The following PLCH1 variants were observed in gnomAD, a reference collection of about 807,000 sequenced individuals.
The protein encoded by PLCH1 is phospholipase C eta 1.
PLCH1 carries 60 observed loss-of-function variants against 126.7 expected under a neutral mutation model. That is an observed-to-expected ratio of 0.47 (90% CI 0.38 to 0.59). The LOEUF (loss-of-function observed/expected upper bound fraction) is 0.59. Among genes scored for constraint, PLCH1 ranks in the 20% least tolerant of loss-of-function variants. The pLI is 0.00. For missense variants in PLCH1, 1,723 were observed against 2,040.0 expected (o/e 0.84, Z 2.99); for synonymous variants, 719 against 734.9 (o/e 0.98, Z 0.35).
chr3:155,599,355 T>C (rs1191295757), intron 2 of PLCH1, among the ~76,000 whole-genome samples: 1 of 152,062 alleles, frequency 6.6e-6, no homozygotes, highest in African/African-American at 2.4e-5. Context: ...ACACCATCAA[T>C]GAAGACTTGG....
chr3:155,647,551 G>C (rs1045370704), intron 2 of PLCH1, among the ~76,000 whole-genome samples: 1 of 151,858 alleles, frequency 6.6e-6, no homozygotes, highest in Non-Finnish European at 1.5e-5. Context: ...GATCCACAAA[G>C]AGCATTAGGA....
At chr3:155,701,471 A>C (rs1331145214) in intron 2 of PLCH1, among the ~76,000 whole-genome samples, 1 of 152,204 alleles carries the variant, frequency 6.6e-6, no homozygotes, top group Non-Finnish European at 1.5e-5. Flanking sequence ...TAATTTATAC[A>C]TCCAAGTCTG....
intron 10 of PLCH1, among the ~76,000 whole-genome samples, chr3:155,534,912 T>C (rs1340036929): frequency 6.6e-6 from 1 of 152,216 alleles, no homozygotes; most frequent in Non-Finnish European, 1.5e-5. Flanking sequence ...TTCATGAGGC[T>C]TCCTAGACAT....
chr3:155,660,251 T>C (rs1006342242), intron 2 of PLCH1, among the ~76,000 whole-genome samples: 2 of 152,190 alleles, frequency 1.3e-5, no homozygotes, highest in African/African-American at 4.8e-5. Context: ...ATAACATCTT[T>C]TGGGAAACTA....
chr3:155,628,553 T>C lies in PLCH1; in HGVS notation c.80-32175A>G, dbSNP rs1213021345. On this transcript the variant is annotated intron_variant, in intron 2 of 22. Coordinates refer to ENST00000460012, the MANE Select transcript of PLCH1 (RefSeq NM_014996.4). ...ATGCTTTGGATCTTCACCTCTCTTTTTTTTTTTTTTTTTGAGTTGGGGGAG... is the reference window on the plus strand; with the variant it reads ...ATGCTTTGGATCTTCACCTCTCTTTCTTTTTTTTTTTTTGAGTTGGGGGAG... 2.3e-3 allele frequency among the ~76,000 whole-genome samples: 104 copies of C among 44,940 alleles called. No individual in the cohort carries two copies. In the African/African-American group the frequency reaches 0.026, roughly 11 times the overall value. The allele number at this position is 44,940 out of a possible 152,430, so 29.5% of individuals were successfully genotyped here. A position where few individuals can be genotyped will look rare whatever the true frequency, so the allele number is the denominator to read the frequency against.
intron 2 of PLCH1, among the ~76,000 whole-genome samples, chr3:155,616,678 G>A (rs188719960): frequency 3.8e-4 from 58 of 152,224 alleles, no homozygotes; most frequent in Admixed American, 1.6e-3. Context: ...TACAGGAAAA[G>A]GGGACAGAGA....
At chr3:155,544,761 A>G (rs1255770766) in intron 10 of PLCH1, among the ~76,000 whole-genome samples, 2 of 151,578 alleles carry the variant, frequency 1.3e-5, no homozygotes, top group Admixed American at 1.3e-4. Context: ...CTACATGGAA[A>G]CTGAACAACC....
intron 1 of PLCH1, among the ~76,000 whole-genome samples, chr3:155,725,783 C>T (rs1330979300): frequency 6.6e-6 from 1 of 152,156 alleles, no homozygotes; most frequent in Non-Finnish European, 1.5e-5. Context: ...ATTCTTCATC[C>T]ACTCTAACAA....
At chr3:155,624,182 CT>C (rs1485112415) in intron 2 of PLCH1, among the ~76,000 whole-genome samples, 1 of 152,144 alleles carries the variant, frequency 6.6e-6, no homozygotes, top group Non-Finnish European at 1.5e-5. Flanking sequence ...CAGAAAAGGC[CT>C]TTGACAAAAT....
chr3:155,523,741 A>G (rs1721513511), intron 11 of PLCH1, among the ~76,000 whole-genome samples, 156 bp downstream of exon 11: 1 of 152,218 alleles, frequency 6.6e-6, no homozygotes, highest in African/African-American at 2.4e-5. Flanking sequence ...CAAACATTTG[A>G]ATGTCTATGT....
In PLCH1 at chr3:155,481,246, GC is replaced by G. The variant is rs780767268; in HGVS notation, c.4779del (p.Lys1593AsnfsTer26). 1.2e-6 allele frequency: 2 copies of G among 1,614,088 alleles called. No homozygotes were observed. Among genetic ancestry groups the G allele is most frequent in the African/African-American group, 2.7e-5 (2 of 74,936 alleles). On this transcript the variant is annotated frameshift_variant, in exon 23 of 23. Transcript: ENST00000460012. LOFTEE classifies it low-confidence loss of function (END_TRUNC). The surrounding 1 kb of genome is among the most constrained non-coding windows in gnomAD (Gnocchi z 4.2). ...CCATTGCTGGGGTTTGGAACTTTCT[GC>G]TTGTTGGCTTCCTGTTTCTCCTTGG... The part of the protein sequence containing the change: ...SRAKEKQEAN[K>X]QKVPNPSNGA...
At chr3:155,578,052 G>A (rs1332392692) in intron 6 of PLCH1, among the ~76,000 whole-genome samples, 3 of 152,170 alleles carry the variant, frequency 2.0e-5, no homozygotes, top group Non-Finnish European at 4.4e-5. Flanking sequence ...AAAGCTTGCA[G>A]TGTGTGGAAT....
intron 21 of PLCH1, among the ~76,000 whole-genome samples, chr3:155,467,817 C>G (rs1161931870): frequency 1.3e-5 from 2 of 152,162 alleles, no homozygotes; most frequent in African/African-American, 2.4e-5. Context: ...GATGGACTTC[C>G]TCAATACCAG....
At chr3:155,633,156 C>CT (rs1738249588) in intron 2 of PLCH1, among the ~76,000 whole-genome samples, 4 of 152,138 alleles carry the variant, frequency 2.6e-5, no homozygotes, top group Non-Finnish European at 5.9e-5. Flanking sequence ...AGAAAGGGGG[C>CT]TACAGCTCCC....
intron 2 of PLCH1, among the ~76,000 whole-genome samples, chr3:155,698,075 T>G (rs1156699967): frequency 1.3e-5 from 2 of 152,088 alleles, no homozygotes; most frequent in Non-Finnish European, 2.9e-5. Flanking sequence ...GATTAAAATT[T>G]TAAAATGGAC....
intron 4 of PLCH1, 76 bp downstream of exon 4, chr3:155,593,865 A>T: frequency 7.0e-7 from 1 of 1,437,542 alleles, no homozygotes; most frequent in Non-Finnish European, 9.5e-7. Context: ...ACATAGTCTA[A>T]TCCTTACTTC....
intron 4 of PLCH1, among the ~76,000 whole-genome samples, chr3:155,590,650 T>A (rs1732035500): frequency 1.3e-5 from 2 of 151,392 alleles, no homozygotes. Flanking sequence ...CTCAGGAGCC[T>A]GAGGCAGGAG....
chr3:155,590,893 C>T (rs1732074829), intron 4 of PLCH1, among the ~76,000 whole-genome samples: 1 of 152,222 alleles, frequency 6.6e-6, no homozygotes, highest in South Asian at 2.1e-4. Flanking sequence ...TATTATTTCT[C>T]TTTTATTCCT....
downstream of PLCH1, among the ~76,000 whole-genome samples, chr3:155,478,753 G>A (rs1713658951): frequency 6.6e-6 from 1 of 152,004 alleles, no homozygotes; most frequent in Non-Finnish European, 1.5e-5. Context: ...AAATGAACTT[G>A]ATTTAATCCC....
Sources: gnomAD v4.1 joint callset for allele counts (sites outside exome capture counted in the v4.1 genomes callset) on GRCh38, gnomAD v4.1.1 for gene constraint, Gnocchi (gnomAD v3.1) non-coding constraint, MANE v1.5 for transcripts, NCBI Gene and HGNC (gene_info 2026-07-23, HGNC 2026-07-21) for gene names.